Variants in CNST observed in about 807,000 individuals in gnomAD.
CNST encodes the protein consortin, connexin sorting protein, also known as consortin.
A neutral mutation model predicts 72.4 loss-of-function variants in CNST; 39 were observed. The observed-to-expected ratio is 0.54, with a 90% CI of 0.42 to 0.70. The LOEUF (loss-of-function observed/expected upper bound fraction) is 0.70. Ranked by LOEUF, CNST falls within the 30% of genes least tolerant of loss-of-function variation. The pLI is 0.00. For synonymous variants in CNST, 332 were observed against 320.1 expected, an observed-to-expected ratio of 1.04 and a Z score of -0.40; for missense variants, 871 against 868.5, an observed-to-expected ratio of 1.00 and a Z score of -0.04.
chr1:246,566,517 G>T lies in CNST; in HGVS notation c.-198G>T. ...CGAGGGGTGCGCAGAGGGAGGCGGG[G>T]CGGAAAGGCGAGAGGTGTCTCCTCC... is the stretch of plus-strand genomic sequence containing the variant. On this transcript the variant is annotated 5_prime_UTR_variant, in exon 1 of 11. Transcript: ENST00000366513. The T allele has an allele frequency of 2.3e-6, 1 of 433,236 alleles. No homozygotes were observed. The highest frequency in any genetic ancestry group is 4.1e-6 in the Non-Finnish European group (1 of 243,278). The allele number at this position is 433,236 out of a possible 1,614,324, so 26.8% of individuals were successfully genotyped here.
rs1667377530 is a variant in CNST, at chr1:246,666,039, T to C, written c.*134T>C. The C allele has an allele frequency of 6.3e-6, 4 of 633,984 alleles. No homozygotes were observed. The South Asian group carries it at 8.0e-5, about 13-fold the overall frequency. The allele number at this position is 633,984 out of a possible 1,614,324, so 39.3% of individuals were successfully genotyped here. On this transcript the variant is annotated 3_prime_UTR_variant, in exon 11 of 11. Transcript: ENST00000366513. Reference sequence around the variant, plus strand: ...ACCAAGGACATCAGAAATAGCAACTTTAAGTGGCAAGCCGGAGGAACTCTG... The same window carrying C: ...ACCAAGGACATCAGAAATAGCAACTCTAAGTGGCAAGCCGGAGGAACTCTG...
At chr1:246,567,576 A>G (rs1484866547) in intron 1 of CNST, among the ~76,000 whole-genome samples, 2 of 152,204 alleles carry the variant, frequency 1.3e-5, no homozygotes, top group Non-Finnish European at 2.9e-5. Context: ...AAAGGTTCCT[A>G]AGGAATGTAT....
At chr1:246,594,780 A>G (rs1199021135) in intron 2 of CNST, among the ~76,000 whole-genome samples, 1 of 152,202 alleles carries the variant, frequency 6.6e-6, no homozygotes, top group African/African-American at 2.4e-5. Flanking sequence ...AAAGAGTAAG[A>G]AAACAGAATG....
chr1:246,572,756 T>G (rs940019291), intron 1 of CNST, among the ~76,000 whole-genome samples: 1 of 152,154 alleles, frequency 6.6e-6, no homozygotes, highest in Non-Finnish European at 1.5e-5. Context: ...AGAAGCAGGG[T>G]TTCGCCATGT....
At position 246,624,945 on chromosome 1, in the gene CNST, C is replaced by T. The variant is rs996022220; in HGVS notation, c.585+3311C>T. On this transcript the variant is annotated intron_variant, in intron 3 of 10. Coordinates refer to ENST00000366513, the MANE Select transcript of CNST (RefSeq NM_152609.3). ...CTGGGATTACAGGCGTGAGCCACCA[C>T]GCCTGGCCTTTTTGCTCTTGCTCTC... is the stretch of plus-strand genomic sequence containing the variant. Among the ~76,000 whole-genome samples, 7 of 152,286 alleles carry T rather than the reference C, an allele frequency of 4.6e-5. No individual in the cohort carries two copies. The East Asian group carries it at 9.6e-4, about 21-fold the overall frequency.
rs145399302 is a variant in CNST at position 246,603,293 on chromosome 1, G to A, written c.379+11352G>A. Among the ~76,000 whole-genome samples the A allele has an allele frequency of 4.2e-3, 641 of 152,306 alleles. 9 individuals carry two copies. The highest frequency in any genetic ancestry group is 0.014 in the African/African-American group (575 of 41,570). ...TTAGGTGGGAGTTTAGGGACTCTTG[G>A]CTTCTCAGTTCTTTACTGTGAAAGT... On this transcript the variant is annotated intron_variant, in intron 2 of 10. Transcript: ENST00000366513.
intron 8 of CNST, among the ~76,000 whole-genome samples, chr1:246,644,814 C>G (rs553012724): frequency 6.6e-6 from 1 of 152,288 alleles, no homozygotes; most frequent in South Asian, 2.1e-4. Context: ...TCTTCTGAAC[C>G]TTTGGGTACC....
At chr1:246,626,340 T>C (rs1291215717) in intron 3 of CNST, among the ~76,000 whole-genome samples, 1 of 152,014 alleles carries the variant, frequency 6.6e-6, no homozygotes, top group African/African-American at 2.4e-5. Context: ...CATGAGCCAC[T>C]GCACCCAGCC....
chr1:246,633,550 G>A (rs1664920024), intron 4 of CNST, among the ~76,000 whole-genome samples: 2 of 152,132 alleles, frequency 1.3e-5, no homozygotes, highest in East Asian at 3.9e-4. Context: ...AGACGAGCCT[G>A]GCTCACATGG....
intron 9 of CNST, among the ~76,000 whole-genome samples, chr1:246,652,712 G>A (rs1360554480): frequency 6.6e-6 from 1 of 152,088 alleles, no homozygotes; most frequent in South Asian, 2.1e-4. Context: ...TCTTTAGAAA[G>A]CTTTTAATCT....
At position 246,576,990 on chromosome 1, in the gene CNST, T is replaced by C. The variant is rs116952998; in HGVS notation, c.-52+10327T>C. Reference sequence around the variant, plus strand: ...TGGAAGTCTCATTCTAACATGTTTTTACCTTAAAATTTTTTAAAAATTGGA... The same window carrying C: ...TGGAAGTCTCATTCTAACATGTTTTCACCTTAAAATTTTTTAAAAATTGGA... On this transcript the variant is annotated intron_variant, in intron 1 of 10. Coordinates refer to ENST00000366513, the MANE Select transcript of CNST (RefSeq NM_152609.3). Among the ~76,000 whole-genome samples the C allele has an allele frequency of 2.3e-4, 35 of 152,186 alleles. No individual in the cohort carries two copies. The East Asian group carries it at 6.4e-3, about 28-fold the overall frequency.
chr1:246,574,401 A>G (rs959407737), intron 1 of CNST, among the ~76,000 whole-genome samples: 1 of 152,168 alleles, frequency 6.6e-6, no homozygotes, highest in Non-Finnish European at 1.5e-5. Context: ...TGGTTATTCA[A>G]AAATTCGTGT....
intron 1 of CNST, among the ~76,000 whole-genome samples, chr1:246,572,075 T>G (rs1660100611): frequency 6.6e-6 from 1 of 152,164 alleles, no homozygotes; most frequent in Non-Finnish European, 1.5e-5. Context: ...AAATGGTTTT[T>G]GGCCAGTCAC....
At chr1:246,588,236 G>A (rs1558535733) in intron 1 of CNST, among the ~76,000 whole-genome samples, 3 of 151,990 alleles carry the variant, frequency 2.0e-5, no homozygotes, top group African/African-American at 2.4e-5. Flanking sequence ...CTGAAAGGCC[G>A]TTTTACTAGT....
At chr1:246,614,106 G>A (rs914263495) in intron 2 of CNST, among the ~76,000 whole-genome samples, 4 of 152,030 alleles carry the variant, frequency 2.6e-5, no homozygotes, top group Non-Finnish European at 5.9e-5. Context: ...CTTGAGATTG[G>A]AAGTGTTTCA....
In CNST at chr1:246,647,895, A is replaced by G. The variant is rs568532016; in HGVS notation, c.1694A>G (p.Tyr565Cys). ...AAAGATACTGAAGATTCCCTTTCCT[A>G]TGAAGATAACCAAGACGACGACTCC... ...CLKDTEDSLS[Y>C]EDNQDDDSDL... The change falls in exon 9 of 11, where the codon TAT becomes TGT. Residue 565 changes from tyrosine (Y) to cysteine (C), a missense_variant. Tyr to Cys is a radical substitution (Grantham distance 194). Coordinates refer to ENST00000366513, the MANE Select transcript of CNST (RefSeq NM_152609.3). 1.1e-5 allele frequency: 17 copies of G among 1,614,052 alleles called. No individual in the cohort carries two copies. Among genetic ancestry groups the G allele is most frequent in the Middle Eastern group, 1.6e-4 (1 of 6,062 alleles).
intron 1 of CNST, among the ~76,000 whole-genome samples, chr1:246,575,142 C>A (rs1315429482): frequency 2.6e-5 from 4 of 152,068 alleles, no homozygotes; most frequent in African/African-American, 9.7e-5. Flanking sequence ...TACAGGCACC[C>A]GCCGCCAAGC....
intron 10 of CNST, among the ~76,000 whole-genome samples, chr1:246,660,655 A>G (rs1667051840): frequency 6.6e-6 from 1 of 152,136 alleles, no homozygotes; most frequent in African/African-American, 2.4e-5. Context: ...AACCCGGGAG[A>G]CAGGTTACAG....
At chr1:246,617,868 A>C (rs921810951) in intron 2 of CNST, among the ~76,000 whole-genome samples, 1 of 152,338 alleles carries the variant, frequency 6.6e-6, no homozygotes, top group South Asian at 2.1e-4. Flanking sequence ...CATAACATGT[A>C]TAACAATTGC....
Sources: allele counts gnomAD v4.1 joint callset (sites outside exome capture counted in the v4.1 genomes callset), GRCh38; gene constraint gnomAD v4.1.1; transcripts MANE v1.5; gene names NCBI Gene and HGNC (gene_info 2026-07-23, HGNC 2026-07-21).